The following SOHLH1 variants were observed in gnomAD, a reference collection of about 807,000 sequenced individuals.
The protein encoded by SOHLH1 is spermatogenesis- and oogenesis-specific basic helix-loop-helix-containing protein 1.
A neutral mutation model predicts 36.2 loss-of-function variants in SOHLH1; 23 were observed. The ratio of observed to expected loss-of-function variants is 0.64; its 90% CI spans 0.46 to 0.90. SOHLH1 has a LOEUF of 0.90. Ranked by LOEUF, SOHLH1 falls within the 40% of genes least tolerant of loss-of-function variation. The pLI is 0.00. For missense variants in SOHLH1, 608 were observed against 517.0 expected (o/e 1.18, Z -1.71); for synonymous variants, 289 against 228.3 (o/e 1.27, Z -2.40).
chr9:135,698,249 G>GGAA, intron 3 of SOHLH1, 80 bp downstream of exon 3: 1 of 1,589,296 alleles, frequency 6.3e-7, no homozygotes, highest in South Asian at 1.1e-5. Context: ...GGATGACAGG[G>GGAA]GACACACTGC....
At chr9:135,698,069 C>T (rs903848556) in intron 3 of SOHLH1, among the ~76,000 whole-genome samples, 2 of 152,120 alleles carry the variant, frequency 1.3e-5, no homozygotes, top group Non-Finnish European at 2.9e-5. Context: ...CGGAGCATCT[C>T]GGCAACCCAT....
Position 135,693,459 on chromosome 9 carries a change from T to G in SOHLH1, c.*138A>C. ...CCCTCTTTAATATTCACTATCCTCT[T>G]CTCACAGCCTGTAAGCCTCGCTCAA... On this transcript the variant is annotated 3_prime_UTR_variant, in exon 8 of 8. Transcript: ENST00000425225. The G allele has an allele frequency of 8.2e-7, 1 of 1,218,598 alleles. No individual in the cohort carries two copies. Among genetic ancestry groups the G allele is most frequent in the Admixed American group, 2.8e-5 (1 of 35,404 alleles). The allele number at this position is 1,218,598 out of a possible 1,614,324, so 75.5% of individuals were successfully genotyped here. A position where few individuals can be genotyped will look rare whatever the true frequency, so the allele number is the denominator to read the frequency against.
intron 5 of SOHLH1, 66 bp downstream of exon 5, chr9:135,696,546 G>A (rs1834806956): frequency 5.1e-6 from 8 of 1,577,646 alleles, no homozygotes; most frequent in Non-Finnish European, 6.0e-6. Context: ...TTGTTCTTAG[G>A]GCTAAAGCAC....
rs1217128721 is a variant in SOHLH1, at chr9:135,693,491, G to A, written c.*106C>T. ...GCCTGTAAGCCTCGCTCAAATTAGG[G>A]TGCAGCTGCAACCCAAACCCAAAAT... On this transcript the variant is annotated 3_prime_UTR_variant, in exon 8 of 8. Coordinates refer to ENST00000425225, the MANE Select transcript of SOHLH1 (RefSeq NM_001101677.2). The A allele has an allele frequency of 5.0e-6, 7 of 1,392,648 alleles. No homozygotes were observed. Among genetic ancestry groups the A allele is most frequent in the Non-Finnish European group, 6.7e-6 (7 of 1,039,606 alleles). The allele number at this position is 1,392,648 out of a possible 1,614,324, so 86.3% of individuals were successfully genotyped here.
upstream of SOHLH1, among the ~76,000 whole-genome samples, chr9:135,699,716 G>A (rs1018306874): frequency 2.6e-5 from 4 of 152,082 alleles, no homozygotes; most frequent in Admixed American, 2.6e-4. Flanking sequence ...CTATGCCCCC[G>A]CAGGACGCCA....
chr9:135,694,947 G>T, intron 6 of SOHLH1, 103 bp downstream of exon 6: 1 of 1,283,286 alleles, frequency 7.8e-7, no homozygotes, highest in Non-Finnish European at 1.1e-6. Context: ...GCTTCCAGAT[G>T]CCGAGAAAGT....
chr9:135,696,611 C>T lies in SOHLH1; in HGVS notation c.661+1G>A. On this transcript the variant is annotated splice_donor_variant, in intron 5 of 7. Coordinates refer to ENST00000425225, the MANE Select transcript of SOHLH1 (RefSeq NM_001101677.2). LOFTEE classifies it high-confidence loss of function. ...ACCCCACATGCACACCCAGGACTCA[C>T]CTGAGAAAGGGGGCAGCCCACCCCG... 1 of 1,612,176 alleles carries T rather than the reference C, an allele frequency of 6.2e-7. No homozygotes were observed. Among genetic ancestry groups the T allele is most frequent in the East Asian group, 2.2e-5 (1 of 44,876 alleles).
chr9:135,696,860 G>A (rs1471582856), intron 4 of SOHLH1, 55 bp from the exon 5 acceptor site: 1 of 1,580,986 alleles, frequency 6.3e-7, no homozygotes, highest in Non-Finnish European at 8.6e-7. Context: ...CCCCTGGAAG[G>A]CTGCCCCCAC....
intron 5 of SOHLH1, among the ~76,000 whole-genome samples, chr9:135,696,070 C>T (rs1465935037): frequency 1.7e-5 from 2 of 116,120 alleles, no homozygotes; most frequent in African/African-American, 3.2e-5. Context: ...GGCCGAGTCC[C>T]TCTACCTCCC....
chr9:135,695,340 G>C, intron 5 of SOHLH1, 77 bp from the exon 6 acceptor site: 4 of 1,408,802 alleles, frequency 2.8e-6, no homozygotes, highest in East Asian at 2.5e-5. Flanking sequence ...CGTGACTCAC[G>C]GGCTCGGTCC....
At chr9:135,693,874 C>G in intron 7 of SOHLH1, 60 bp from the exon 8 acceptor site, 1 of 1,511,462 alleles carries the variant, frequency 6.6e-7, no homozygotes, top group Non-Finnish European at 8.9e-7. Context: ...TTGAGGCAGA[C>G]AGGTGGGGTC....
At chr9:135,694,829 A>G (rs965514908) in intron 6 of SOHLH1, among the ~76,000 whole-genome samples, 4 of 152,030 alleles carry the variant, frequency 2.6e-5, no homozygotes, top group Non-Finnish European at 5.9e-5. Context: ...AGGAAGACAA[A>G]AGTGTTTCCA....
Position 135,695,210 on chromosome 9 carries a change from T to C in SOHLH1, c.715A>G (p.Arg239Gly). The C allele has an allele frequency of 6.2e-7, 1 of 1,605,576 alleles. No homozygotes were observed. Among genetic ancestry groups the C allele is most frequent in the South Asian group, 1.1e-5 (1 of 89,228 alleles). Residue 239 changes from arginine to glycine, a missense_variant, in exon 6 of 8, where the codon AGG (arginine) becomes GGG (glycine). Transcript: ENST00000425225. ...PPGRSLPKAV[R>G]PPLSWPPFSQ... ...AACGGAGGCCAGGACAGGGGTGGCC[T>C]CACAGCCTTAGGAAGACTCCGGCCT...
At chr9:135,698,288 G>T in intron 3 of SOHLH1, 41 bp downstream of exon 3, 1 of 1,611,854 alleles carries the variant, frequency 6.2e-7, no homozygotes, top group Non-Finnish European at 8.5e-7. Flanking sequence ...TCCCATCACC[G>T]TGATGCCGGA....
intron 7 of SOHLH1, 173 bp downstream of exon 7, chr9:135,694,214 T>C: frequency 6.8e-7 from 1 of 1,460,092 alleles, no homozygotes; most frequent in Non-Finnish European, 9.0e-7. Context: ...ATATCACCTA[T>C]AACGCTCAAT....
intron 6 of SOHLH1, 89 bp from the exon 7 acceptor site, chr9:135,694,546 C>A: frequency 6.5e-7 from 1 of 1,541,302 alleles, no homozygotes; most frequent in Non-Finnish European, 8.8e-7. Context: ...CCTGCAAAGG[C>A]AGCTTCGAAT....
chr9:135,696,828 G>A (rs1026413377), intron 4 of SOHLH1, 23 bp from the exon 5 acceptor site: 14 of 1,612,214 alleles, frequency 8.7e-6, no homozygotes, highest in Middle Eastern at 1.6e-4. Flanking sequence ...ACATGACAAG[G>A]ATCCTGGGTC....
intron 2 of SOHLH1, 44 bp from the exon 3 acceptor site, chr9:135,698,520 TC>T (rs906916231): frequency 1.2e-6 from 2 of 1,612,218 alleles, no homozygotes; most frequent in African/African-American, 1.3e-5. Flanking sequence ...CCTCCTGCCC[TC>T]CCCGAGAAGG....
In SOHLH1 at chr9:135,696,919, C is replaced by T. The variant is rs1391905285; in HGVS notation, c.468-114G>A. ...ACCCATCCCCAGGACACCCCAGGCA[C>T]CACCCAGCATCAAGCCAGCCTCTGC... is the stretch of plus-strand genomic sequence containing the variant. On this transcript the variant is annotated intron_variant, in intron 4 of 7. Coordinates refer to ENST00000425225, the MANE Select transcript of SOHLH1 (RefSeq NM_001101677.2). 4 of 1,195,990 alleles carry T rather than the reference C, an allele frequency of 3.3e-6. No individual in the cohort carries two copies. The African/African-American group carries it at 6.0e-5, about 18-fold the overall frequency. The allele number at this position is 1,195,990 out of a possible 1,614,324, so 74.1% of individuals were successfully genotyped here. A position where few individuals can be genotyped will look rare whatever the true frequency, so the allele number is the denominator to read the frequency against.
Sources: gnomAD v4.1 joint callset for allele counts (sites outside exome capture counted in the v4.1 genomes callset) on GRCh38, gnomAD v4.1.1 for gene constraint, MANE v1.5 for transcripts, NCBI Gene and HGNC (gene_info 2026-07-23, HGNC 2026-07-21) for gene names.